The following BRCA1 variants were observed in gnomAD, a reference collection of about 807,000 sequenced individuals.
BRCA1 encodes the protein BRCA1 DNA repair associated.
In BRCA1, 140 loss-of-function variants were observed where a neutral mutation model predicts 173.7. The observed-to-expected ratio is 0.81, with a 90% confidence interval of 0.70 to 0.93. The LOEUF (loss-of-function observed/expected upper bound fraction) is 0.93. Ranked by LOEUF, BRCA1 falls within the 40% of genes least tolerant of loss-of-function variation. BRCA1 has a pLI of 0.00. For synonymous variants in BRCA1, 662 were observed against 756.0 expected (o/e 0.88, Z 2.04); for missense variants, 1,983 against 2,172.5 (o/e 0.91, Z 1.73).
intron 19 of BRCA1, among the ~76,000 whole-genome samples, chr17:43,055,877 T>C (rs984099129): frequency 1.3e-5 from 2 of 152,092 alleles, no homozygotes; most frequent in African/African-American, 2.4e-5. Context: ...GAGGTGAAGG[T>C]TGCAGTGAGC....
At chr17:43,075,830 T>C (rs190347228) in intron 13 of BRCA1, among the ~76,000 whole-genome samples, 5 of 152,224 alleles carry the variant, frequency 3.3e-5, no homozygotes, top group Admixed American at 2.0e-4. Context: ...TGAAAGATAT[T>C]CTAAATGTTT....
rs1437976719 is a variant in BRCA1 at position 43,154,615 on chromosome 17, C to A, written c.-20+15511G>T. On this transcript the variant is annotated intron_variant, in intron 1 of 7. Transcript: ENST00000634433. ...CACCCCAGTTCCCATCCCTACCTGT[C>A]TATCCACAAAACCAAGGCATTCCTG... is the stretch of plus-strand genomic sequence containing the variant. Among the ~76,000 whole-genome samples the A allele has an allele frequency of 3.9e-5, 6 of 152,220 alleles. No homozygotes were observed. The South Asian group carries it at 8.3e-4, about 21-fold the overall frequency.
chr17:43,142,799 A>G (rs1434909251), intron 1 of BRCA1, among the ~76,000 whole-genome samples: 1 of 151,984 alleles, frequency 6.6e-6, no homozygotes, highest in Non-Finnish European at 1.5e-5. Context: ...GCAGGAGTGC[A>G]ATGGCGTGAT....
Position 43,071,101 on chromosome 17 carries a change from A to T in BRCA1, c.4813T>A (p.Leu1605Met), listed in dbSNP as rs80356833. The change falls in exon 15 of 23, where the codon TTG becomes ATG. Residue 1605 changes from leucine to methionine, a missense_variant. Transcript: ENST00000357654. ...CTCTGGGCAGATTCTGCAACTTTCA[A>T]TTGGGGAACTTTCAATGCAGAGGTT... is the stretch of plus-strand genomic sequence containing the variant. Reference protein sequence around the residue: ...SSTSALKVPQLKVAESAQSPA... With the variant: ...SSTSALKVPQMKVAESAQSPA... The T allele has an allele frequency of 6.2e-7, 1 of 1,613,974 alleles. No homozygotes were observed. The highest frequency in any genetic ancestry group is 8.5e-7 in the Non-Finnish European group (1 of 1,180,014).
chr17:43,137,227 T>G (rs2056032691), intron 1 of BRCA1, among the ~76,000 whole-genome samples: 1 of 123,962 alleles, frequency 8.1e-6, no homozygotes. Flanking sequence ...AACTGAACAA[T>G]GAGGACACTT....
intron 2 of BRCA1, 54 bp downstream of exon 2, chr17:43,123,963 G>T (rs778400582): frequency 1.5e-6 from 2 of 1,357,192 alleles, no homozygotes; most frequent in Non-Finnish European, 2.1e-6. Flanking sequence ...CTGTTCATTT[G>T]CATAGGAGAT....
At chr17:43,146,299 CTTTTTTTTTTTTTTT>C (rs774223347) in intron 1 of BRCA1, among the ~76,000 whole-genome samples, 6 of 76,114 alleles carry the variant, frequency 7.9e-5, no homozygotes, top group African/African-American at 1.2e-4. Context: ...ATTTTTGTTA[CTTTTTTTTTTTTTTT>C]TTTTTTTTTT....
Position 43,091,577 on chromosome 17 carries a change from A to C in BRCA1, c.3954T>G (p.Ile1318Met), listed in dbSNP as rs750107618. 1 of 1,614,204 alleles carries C rather than the reference A, an allele frequency of 6.2e-7. No individual in the cohort carries two copies. The highest frequency in any genetic ancestry group is 1.1e-5 in the South Asian group (1 of 91,082). The change falls in exon 10 of 23, where the codon ATT (isoleucine) becomes ATG (methionine). Residue 1318 changes from isoleucine to methionine, a missense_variant. Ile to Met is a conservative substitution (Grantham distance 10, BLOSUM62 1). Coordinates refer to ENST00000357654, the MANE Select transcript of BRCA1 (RefSeq NM_007294.4). Reference protein sequence around the residue: ...ANTNTQDPFLIGSSKQMRHQS... With the variant: ...ANTNTQDPFLMGSSKQMRHQS... ...GATGCCTCATTTGTTTGGAAGAACC[A>C]ATCAAGAAAGGATCCTGGGTGTTTG...
At chr17:43,098,706 C>T (rs1358787121) in intron 7 of BRCA1, among the ~76,000 whole-genome samples, 3 of 151,830 alleles carry the variant, frequency 2.0e-5, no homozygotes, top group African/African-American at 4.8e-5. Context: ...CAGGGTTCCC[C>T]TATGTTGGCC....
At chr17:43,079,436 G>A (rs1215533327) in intron 12 of BRCA1, 13 of 1,536,062 alleles carry the variant, frequency 8.5e-6, no homozygotes, top group Admixed American at 1.7e-5. Context: ...TCAAGGGAAC[G>A]GGTACTGTTC....
chr17:43,119,124 G>A (rs1237409466), intron 2 of BRCA1: 1 of 215,050 alleles, frequency 4.7e-6, no homozygotes, highest in Non-Finnish European at 9.4e-6. Flanking sequence ...GACTAACCTG[G>A]CAGTGTGACA....
At chr17:43,111,546 G>A (rs2055034665) in intron 3 of BRCA1, among the ~76,000 whole-genome samples, 1 of 149,792 alleles carries the variant, frequency 6.7e-6, no homozygotes, top group Admixed American at 6.7e-5. Context: ...AAACAGCCGG[G>A]CGTGGTGGCT....
chr17:43,159,317 G>A, intron 1 of BRCA1: 1 of 164,606 alleles, frequency 6.1e-6, no homozygotes, highest in South Asian at 1.9e-4. Context: ...CGGGCAGGGG[G>A]CTGACCCCCC....
rs532560643 is a variant in BRCA1 at position 43,120,876 on chromosome 17, C to T, written c.80+3141G>A. On this transcript the variant is annotated intron_variant, in intron 2 of 22. Transcript: ENST00000357654. ...GATCAGGACTTCAAGACCAGCCTGA[C>T]CAACGTGATGAAACCCTATCTCTAC... 1.8e-4 allele frequency among the ~76,000 whole-genome samples: 27 copies of T among 151,982 alleles called. No homozygotes were observed. In the South Asian group the frequency reaches 5.6e-3, roughly 32 times the overall value.
chr17:43,163,158 T>C (rs1299309461), intron 1 of BRCA1: 3 of 152,280 alleles, frequency 2.0e-5, no homozygotes, highest in Non-Finnish European at 2.9e-5. Flanking sequence ...CTTCTTGTGC[T>C]AACAGGGCTG....
chr17:43,091,780 A>G lies in BRCA1; in HGVS notation c.3751T>C (p.Cys1251Arg), dbSNP rs757215735. Residue 1251 changes from cysteine (C) to arginine (R), a missense_variant, in exon 10 of 23, where the codon TGT becomes CGT. Physicochemically the swap from Cys to Arg is radical, Grantham distance 180. Transcript: ENST00000357654. ...TTCTCCTCTGTGTTCTTAGACAGAC[A>G]CTCGGTAGCAACGGTGCTATGCCTA... ...STRHSTVATECLSKNTEENLL... is the reference protein window; with the variant it reads ...STRHSTVATERLSKNTEENLL... 6.2e-7 allele frequency: 1 copy of G among 1,614,066 alleles called. No individual in the cohort carries two copies. Among genetic ancestry groups the G allele is most frequent in the Non-Finnish European group, 8.5e-7 (1 of 1,179,910 alleles).
At chr17:43,127,778 A>G (rs1203671185), upstream of BRCA1, among the ~76,000 whole-genome samples, 1 of 152,062 alleles carries the variant, frequency 6.6e-6, no homozygotes, top group African/African-American at 2.4e-5. Context: ...TAATCCCAGC[A>G]ATTTGGGAGG....
At chr17:43,165,795 A>G (rs1197427656) in intron 1 of BRCA1, 1 of 70,960 alleles carries the variant, frequency 1.4e-5, no homozygotes, top group Non-Finnish European at 3.3e-5. Flanking sequence ...CTTGTGGACT[A>G]GGCCACAAGA....
At chr17:43,143,074 A>ATGTG (rs773830544) in intron 1 of BRCA1, among the ~76,000 whole-genome samples, 3 of 149,230 alleles carry the variant, frequency 2.0e-5, no homozygotes, top group Non-Finnish European at 3.0e-5. Flanking sequence ...ATGTATATAT[A>ATGTG]TGTGTGTGTG....
Sources: gnomAD v4.1 joint callset for allele counts (sites outside exome capture counted in the v4.1 genomes callset) on GRCh38, gnomAD v4.1.1 for gene constraint, MANE v1.5 for transcripts, NCBI Gene and HGNC (gene_info 2026-07-23, HGNC 2026-07-21) for gene names.